RHCE: variants seen among roughly 807,000 people sequenced by gnomAD.
RHCE encodes the protein Rh blood group CcEe antigens, also known as blood group Rh(CE) polypeptide.
In RHCE, 22 loss-of-function variants were observed where a neutral mutation model predicts 43.8. The observed-to-expected ratio is 0.50, with a 90% CI of 0.36 to 0.72. The LOEUF is 0.72. Among genes scored for constraint, RHCE ranks in the 30% least tolerant of loss-of-function variants. The pLI is 0.00. For missense variants in RHCE, 385 were observed against 525.4 expected, an observed-to-expected ratio of 0.73 and a Z score of 2.61; for synonymous variants, 156 against 210.7, an observed-to-expected ratio of 0.74 and a Z score of 2.25.
At chr1:25,387,102 C>T (rs1401067546) in intron 6 of RHCE, among the ~76,000 whole-genome samples, 3 of 152,182 alleles carry the variant, frequency 2.0e-5, no homozygotes, top group Non-Finnish European at 2.9e-5. Flanking sequence ...TGAGCACCTC[C>T]CATCTTTCAG....
At chr1:25,422,026 A>C (rs1308148249), upstream of RHCE, among the ~76,000 whole-genome samples, 1 of 152,132 alleles carries the variant, frequency 6.6e-6, no homozygotes, top group African/African-American at 2.4e-5. Context: ...TCTTGAAAAC[A>C]ATTCCTATGT....
chr1:25,372,755 G>C (rs1354877587), intron 8 of RHCE, among the ~76,000 whole-genome samples: 3 of 151,676 alleles, frequency 2.0e-5, no homozygotes, highest in African/African-American at 7.3e-5. Flanking sequence ...AGTCCATTTG[G>C]TGCAATTTTG....
Position 25,395,365 on chromosome 1 carries a change from TAA to T in RHCE, c.487-3226_487-3225del, listed in dbSNP as rs1053069347. On this transcript the variant is annotated intron_variant, in intron 3 of 9. Coordinates refer to ENST00000294413, the MANE Select transcript of RHCE (RefSeq NM_020485.8). ...TGGGTGGAGGGGACACGTTTTTCGC[TAA>T]AGAGAAAGCTGGTGTACAGAGATGT... 2.8e-4 allele frequency among the ~76,000 whole-genome samples: 43 copies of T among 151,868 alleles called. 1 individual carries two copies. Among genetic ancestry groups the T allele is most frequent in the African/African-American group, 1.0e-3 (42 of 41,358 alleles).
intron 6 of RHCE, among the ~76,000 whole-genome samples, chr1:25,388,735 G>A (rs1253650160): frequency 1.3e-5 from 2 of 152,188 alleles, no homozygotes; most frequent in Non-Finnish European, 2.9e-5. Flanking sequence ...CACCCCTGTA[G>A]CCTGGTAACA....
chr1:25,406,271 G>A lies in RHCE; in HGVS notation c.335+2412C>T, dbSNP rs1360493061. Among the ~76,000 whole-genome samples, 2 of 117,526 alleles carry A rather than the reference G, an allele frequency of 1.7e-5. 1 individual carries two copies. The highest frequency in any genetic ancestry group is 8.5e-4 in the South Asian group (2 of 2,340). The allele number at this position is 117,526 out of a possible 152,430, so 77.1% of individuals were successfully genotyped here. A position where few individuals can be genotyped will look rare whatever the true frequency, so the allele number is the denominator to read the frequency against. Reference sequence around the variant, plus strand: ...CGTGCGTGTGTGTGTGTGTGTGTGTGTGTGTATTGAATCCCGGTGGGAATT... The same window carrying A: ...CGTGCGTGTGTGTGTGTGTGTGTGTATGTGTATTGAATCCCGGTGGGAATT... On this transcript the variant is annotated intron_variant, in intron 2 of 9. Transcript: ENST00000294413.
chr1:25,411,441 T>A, intron 1 of RHCE: 2 of 1,549,866 alleles, frequency 1.3e-6, no homozygotes, highest in Non-Finnish European at 1.7e-6. Flanking sequence ...AAAGTACATT[T>A]AAATTCACTT....
intron 8 of RHCE, 51 bp from the exon 9 acceptor site, chr1:25,370,591 A>C: frequency 6.8e-7 from 1 of 1,465,268 alleles, no homozygotes; most frequent in African/African-American, 1.4e-5. Context: ...CAGGATTTTT[A>C]ATCTCAAGAT....
rs1304571294 is a variant in RHCE, at chr1:25,402,631, C to T, written c.451G>A (p.Gly151Ser). ...VMVLVEVTAL[G>S]TLRMVISNIF... is the part of the protein sequence containing the mutation. The stretch of plus-strand genomic sequence containing the variant: ...TTACTGATGACCATCCTCAGGGTGC[C>T]TAAAGCTGTCACCTCCACCAGCACC... The change falls in exon 3 of 10, where the codon GGC (glycine) becomes AGC (serine). Residue 151 changes from glycine (G) to serine (S), a missense_variant. By Grantham distance (56) the Gly-to-Ser change is moderately conservative. Coordinates refer to ENST00000294413, the MANE Select transcript of RHCE (RefSeq NM_020485.8). 1 of 1,614,114 alleles carries T rather than the reference C, an allele frequency of 6.2e-7. No individual in the cohort carries two copies. The highest frequency in any genetic ancestry group is 8.5e-7 in the Non-Finnish European group (1 of 1,180,030).
At chr1:25,400,264 C>T (rs1646691444) in intron 3 of RHCE, among the ~76,000 whole-genome samples, 1 of 152,252 alleles carries the variant, frequency 6.6e-6, no homozygotes, top group Non-Finnish European at 1.5e-5. Flanking sequence ...ATCAGTCAAG[C>T]CAGGCTTTTG....
chr1:25,391,370 A>C (rs1646356958), intron 4 of RHCE, among the ~76,000 whole-genome samples: 1 of 151,916 alleles, frequency 6.6e-6, no homozygotes. Context: ...TATTTTTAGT[A>C]GAGATGGGGT....
At chr1:25,421,564 T>G (rs2042760433), upstream of RHCE, among the ~76,000 whole-genome samples, 1 of 152,120 alleles carries the variant, frequency 6.6e-6, no homozygotes, top group Non-Finnish European at 1.5e-5. Context: ...GGCACTACAG[T>G]GCATCTGAGG....
At chr1:25,413,530 G>T (rs1213977149) in intron 1 of RHCE, among the ~76,000 whole-genome samples, 1 of 152,232 alleles carries the variant, frequency 6.6e-6, no homozygotes, top group African/African-American at 2.4e-5. Flanking sequence ...GCCCAGAGGG[G>T]AATTGTACAT....
At chr1:25,374,032 G>C (rs1645702631) in intron 8 of RHCE, among the ~76,000 whole-genome samples, 1 of 151,008 alleles carries the variant, frequency 6.6e-6, no homozygotes, top group Non-Finnish European at 1.5e-5. Context: ...TGTTGGTCAG[G>C]CTGGTCTCGA....
chr1:25,388,878 T>C (rs2124413313), intron 6 of RHCE, 98 bp downstream of exon 6: 1 of 1,588,322 alleles, frequency 6.3e-7, no homozygotes, highest in South Asian at 1.1e-5. Flanking sequence ...CACCAACACC[T>C]GCCTAATGCA....
Position 25,392,262 on chromosome 1 carries a change from T to C in RHCE, c.487-121A>G. 3.2e-6 allele frequency: 5 copies of C among 1,540,816 alleles called. No individual in the cohort carries two copies. The South Asian group carries it at 5.6e-5, about 17-fold the overall frequency. On this transcript the variant is annotated intron_variant, in intron 3 of 9. Transcript: ENST00000294413. ...GAGGTGTGACTTGAAGCCACGAGAC[T>C]GGTGTTCAGAGCTTACCCAGCCCAA...
At chr1:25,386,438 CT>C (rs1216885395) in intron 6 of RHCE, among the ~76,000 whole-genome samples, 1 of 152,228 alleles carries the variant, frequency 6.6e-6, no homozygotes, top group Non-Finnish European at 1.5e-5. Flanking sequence ...ATCACTCAGC[CT>C]CCCACACAGC....
chr1:25,401,382 T>C (rs535802003), intron 3 of RHCE, among the ~76,000 whole-genome samples: 47 of 152,234 alleles, frequency 3.1e-4, no homozygotes, highest in African/African-American at 1.0e-3. Flanking sequence ...TGCACTTTCT[T>C]CTAAGCCAGG....
chr1:25,372,113 T>C (rs1428937750), intron 8 of RHCE, among the ~76,000 whole-genome samples: 2 of 151,696 alleles, frequency 1.3e-5, no homozygotes, highest in Non-Finnish European at 2.9e-5. Flanking sequence ...GAACCATCAC[T>C]AGGAACACCC....
In RHCE at chr1:25,362,359, T is replaced by C; in HGVS notation, c.*168A>G. The C allele has an allele frequency of 4.1e-6, 6 of 1,472,474 alleles. No homozygotes were observed. Among genetic ancestry groups the C allele is most frequent in the Non-Finnish European group, 5.5e-6 (6 of 1,081,450 alleles). The allele number at this position is 1,472,474 out of a possible 1,614,324, so 91.2% of individuals were successfully genotyped here. A position where few individuals can be genotyped will look rare whatever the true frequency, so the allele number is the denominator to read the frequency against. ...AAACTTATTAAATTGACTCTTAAACTAAGTTTTTAGTCTTTAATTTTTTAA... is the reference window on the plus strand; with the variant it reads ...AAACTTATTAAATTGACTCTTAAACCAAGTTTTTAGTCTTTAATTTTTTAA... On this transcript the variant is annotated 3_prime_UTR_variant, in exon 10 of 10. Transcript: ENST00000294413.
Sources: gnomAD v4.1 joint callset for allele counts (sites outside exome capture counted in the v4.1 genomes callset) on GRCh38, gnomAD v4.1.1 for gene constraint, MANE v1.5 for transcripts, NCBI Gene and HGNC (gene_info 2026-07-23, HGNC 2026-07-21) for gene names.